Variants in RILPL1 observed in about 807,000 individuals in gnomAD.
RILPL1 encodes the protein RILP-like protein 1.
In RILPL1, 33 loss-of-function variants were observed where a neutral mutation model predicts 50.3. The observed-to-expected ratio is 0.66, with a 90% CI of 0.50 to 0.88. The LOEUF (loss-of-function observed/expected upper bound fraction) is 0.88, where lower values mean the gene tolerates loss of function less well. RILPL1 is among the 40% of genes least tolerant of loss of function. The pLI, the probability that RILPL1 is intolerant of heterozygous loss-of-function variation, is 0.00. For missense variants in RILPL1, 418 were observed against 542.5 expected (o/e 0.77, Z 2.28); for synonymous variants, 205 against 228.6 (o/e 0.90, Z 0.93).
intron 4 of RILPL1, among the ~76,000 whole-genome samples, chr12:123,493,888 G>A (rs1235287779): frequency 6.6e-6 from 1 of 151,298 alleles, no homozygotes; most frequent in African/African-American, 2.4e-5. Flanking sequence ...GGGTTCAAGC[G>A]ATTCTCCTGC....
In RILPL1 at chr12:123,504,079, AG is replaced by A. The variant is rs139200423; in HGVS notation, c.461-4544del. The stretch of plus-strand genomic sequence containing the variant: ...CATTACCACATCAGGTGACATCCAC[AG>A]GTTCTAGGAACTAGGACCTGATATT... On this transcript the variant is annotated intron_variant, in intron 2 of 6. Transcript: ENST00000376874. 9.5e-3 allele frequency among the ~76,000 whole-genome samples: 1,448 copies of A among 152,046 alleles called. 18 individuals are homozygous for A. Among genetic ancestry groups the A allele is most frequent in the African/African-American group, 0.033 (1,347 of 41,440 alleles).
At chr12:123,511,936 A>AG (rs1884293116) in intron 2 of RILPL1, among the ~76,000 whole-genome samples, 1 of 38,012 alleles carries the variant, frequency 2.6e-5, no homozygotes, top group Non-Finnish European at 5.0e-5. Flanking sequence ...GTGGTGTGTG[A>AG]GGTTTGTGTG....
intron 2 of RILPL1, among the ~76,000 whole-genome samples, chr12:123,508,167 A>G (rs967356455): frequency 2.0e-5 from 3 of 151,616 alleles, no homozygotes; most frequent in East Asian, 2.0e-4. Context: ...GCCAAGGCAG[A>G]AGGATCACTG....
intron 2 of RILPL1, among the ~76,000 whole-genome samples, chr12:123,503,303 C>A (rs912800956): frequency 6.9e-6 from 1 of 144,610 alleles, no homozygotes; most frequent in East Asian, 2.1e-4. Flanking sequence ...CCGGTTCAAG[C>A]GATTCTTCTG....
Position 123,484,194 on chromosome 12 carries a change from C to T in RILPL1, c.1053G>A (p.Ser351=), listed in dbSNP as rs754770800. ...GCATCACTTACAGTCGCTTGATGCC[C>T]GACTCCGGCTGGGGGGACGTCCTCG... is the stretch of plus-strand genomic sequence containing the variant. ...AHPRTSPQPE[S]GIKRLFSFFS... Residue 351 remains serine (S), a synonymous_variant, in exon 6 of 7, where the codon TCG becomes TCA. Transcript: ENST00000376874. 7.5e-6 allele frequency: 12 copies of T among 1,607,602 alleles called. No homozygotes were observed. The highest frequency in any genetic ancestry group is 1.7e-4 in the Middle Eastern group (1 of 6,050).
At position 123,499,443 on chromosome 12, in the gene RILPL1, C is replaced by T. The variant is rs1313525785; in HGVS notation, c.554G>A (p.Gly185Asp). The stretch of plus-strand genomic sequence containing the variant: ...AGCCTCAACGTCCTCATTTTTCAGG[C>T]CCAGCTCCCTGTCCTTGGCGCGGAT... ...DEIRAKDREL[G>D]LKNEDVEALQ... The change falls in exon 3 of 7, where the codon GGC becomes GAC. Residue 185 changes from glycine to aspartate, a missense_variant. By Grantham distance (94) the Gly-to-Asp change is moderately conservative. Transcript: ENST00000376874. 6.2e-7 allele frequency: 1 copy of T among 1,613,910 alleles called. No homozygotes were observed. Among genetic ancestry groups the T allele is most frequent in the East Asian group, 2.2e-5 (1 of 44,884 alleles).
At chr12:123,477,254 A>G (rs1266401537) in intron 6 of RILPL1, among the ~76,000 whole-genome samples, 1 of 151,382 alleles carries the variant, frequency 6.6e-6, no homozygotes, top group Non-Finnish European at 1.5e-5. Flanking sequence ...AGGTTTGGCG[A>G]TGTTCCAGGT....
At chr12:123,506,786 T>C (rs1206034023) in intron 2 of RILPL1, among the ~76,000 whole-genome samples, 1 of 152,110 alleles carries the variant, frequency 6.6e-6, no homozygotes, top group Non-Finnish European at 1.5e-5. Flanking sequence ...GTACATATAG[T>C]AGAAAGCTAC....
chr12:123,518,409 A>C, intron 2 of RILPL1: 1 of 373,612 alleles, frequency 2.7e-6, no homozygotes, highest in Non-Finnish European at 5.4e-6. Context: ...TAGAAGACTG[A>C]GGTGGGAGAA....
rs768392417 is a variant in RILPL1, at chr12:123,471,060, G to A, written c.*1478C>T. On this transcript the variant is annotated 3_prime_UTR_variant, in exon 7 of 7. Transcript: ENST00000376874. Reference sequence around the variant, plus strand: ...CTAGATTCTGCAAATTCACCTGATGGTTTCTTTCTTTCTTTTTTTTTTTTT... The same window carrying A: ...CTAGATTCTGCAAATTCACCTGATGATTTCTTTCTTTCTTTTTTTTTTTTT... 2 of 150,466 alleles carry A rather than the reference G, an allele frequency of 1.3e-5. No individual in the cohort carries two copies. Among genetic ancestry groups the A allele is most frequent in the Non-Finnish European group, 3.0e-5 (2 of 67,722 alleles). 9.3% of individuals were successfully genotyped at this position (150,466 alleles called of 1,614,324 possible).
chr12:123,511,169 T>TTGTGTGAGGTC (rs1286278201), intron 2 of RILPL1, among the ~76,000 whole-genome samples: 2 of 65,522 alleles, frequency 3.1e-5, no homozygotes, highest in Non-Finnish European at 6.0e-5. Flanking sequence ...TGTGTGGTGT[T>TTGTGTGAGGTC]TGTGTGAGGT....
At chr12:123,479,250 C>A (rs1881800960) in intron 6 of RILPL1, among the ~76,000 whole-genome samples, 3 of 152,104 alleles carry the variant, frequency 2.0e-5, no homozygotes, top group Non-Finnish European at 4.4e-5. Flanking sequence ...GCTCTGGGTC[C>A]CTGACAGGAT....
At chr12:123,483,993 G>A (rs1200669401) in intron 6 of RILPL1, among the ~76,000 whole-genome samples, 187 bp downstream of exon 6, 1 of 152,158 alleles carries the variant, frequency 6.6e-6, no homozygotes, top group East Asian at 1.9e-4. Context: ...TCTGCCCAGA[G>A]ACCCCCAGGA....
chr12:123,519,376 T>C (rs1284343067), intron 2 of RILPL1: 2 of 152,210 alleles, frequency 1.3e-5, no homozygotes, highest in Non-Finnish European at 2.9e-5. Flanking sequence ...ACAAACTGGA[T>C]TGCCACAAAC....
At chr12:123,483,196 C>T (rs1418675700) in intron 6 of RILPL1, among the ~76,000 whole-genome samples, 2 of 152,186 alleles carry the variant, frequency 1.3e-5, no homozygotes, top group African/African-American at 4.8e-5. Context: ...CCTGGAAGAC[C>T]GTCTCAGGGG....
In RILPL1 at chr12:123,498,528, C is replaced by G; in HGVS notation, c.801+16G>C. 1 of 1,611,148 alleles carries G rather than the reference C, an allele frequency of 6.2e-7. No homozygotes were observed. Among genetic ancestry groups the G allele is most frequent in the East Asian group, 2.2e-5 (1 of 44,882 alleles). On this transcript the variant is annotated intron_variant, in intron 4 of 6. Transcript: ENST00000376874. This position sits in a 1 kb window ranked among gnomAD's most constrained non-coding sequence, Gnocchi z 4.3. ...TGACCCTCTGCTACCACCTCTGCAC[C>G]CAGCTTCCTGCTCACCTCAGGCTCC... is the stretch of plus-strand genomic sequence containing the variant.
chr12:123,528,719 C>T (rs1263541401), intron 1 of RILPL1, among the ~76,000 whole-genome samples: 1 of 152,134 alleles, frequency 6.6e-6, no homozygotes, highest in Non-Finnish European at 1.5e-5. Flanking sequence ...AGCCACCGCG[C>T]CCGACCAGTT....
intron 1 of RILPL1, among the ~76,000 whole-genome samples, chr12:123,532,334 T>A (rs1885463303): frequency 6.6e-6 from 1 of 152,034 alleles, no homozygotes; most frequent in Non-Finnish European, 1.5e-5. Context: ...CCAGGCCCAG[T>A]GGGGAGGCCC....
rs550133055 is a variant in RILPL1 at position 123,489,288 on chromosome 12, G to A, written c.802-3483C>T. Among the ~76,000 whole-genome samples, 7 of 152,288 alleles carry A rather than the reference G, an allele frequency of 4.6e-5. No homozygotes were observed. The South Asian group carries it at 1.2e-3, about 27-fold the overall frequency. ...TGTAATCCCAGTACTTTGGGAGGCT[G>A]AGGCAGGCGGATCACCTGAAGTCAG... On this transcript the variant is annotated intron_variant, in intron 4 of 6. Coordinates refer to ENST00000376874, the MANE Select transcript of RILPL1 (RefSeq NM_178314.5). The surrounding 1 kb of genome is among the most constrained non-coding windows in gnomAD (Gnocchi z 4.0).
Sources: gnomAD v4.1 joint callset for allele counts (sites outside exome capture counted in the v4.1 genomes callset) on GRCh38, gnomAD v4.1.1 for gene constraint, Gnocchi (gnomAD v3.1) non-coding constraint, MANE v1.5 for transcripts, NCBI Gene and HGNC (gene_info 2026-07-23, HGNC 2026-07-21) for gene names.